Variants in TMEM132C observed in about 807,000 individuals in gnomAD.
TMEM132C encodes the protein protein phosphatase 1, regulatory subunit 152.
TMEM132C carries 29 observed loss-of-function variants against 61.4 expected under a neutral mutation model. The ratio of observed to expected loss-of-function variants is 0.47; its 90% CI spans 0.35 to 0.64. The LOEUF is 0.64. Among genes scored for constraint, TMEM132C ranks in the 30% least tolerant of loss-of-function variants. The pLI is 0.00. For synonymous variants in TMEM132C, 656 were observed against 633.1 expected, an observed-to-expected ratio of 1.04 and a Z score of -0.54; for missense variants, 1,408 against 1,476.9, an observed-to-expected ratio of 0.95 and a Z score of 0.76.
chr12:128,552,434 T>C (rs1252624332), intron 3 of TMEM132C, among the ~76,000 whole-genome samples: 1 of 152,174 alleles, frequency 6.6e-6, no homozygotes, highest in African/African-American at 2.4e-5. Flanking sequence ...TGAGGTATCA[T>C]ACCATTGGGC....
At chr12:128,370,413 T>G (rs1873995280) in intron 1 of TMEM132C, among the ~76,000 whole-genome samples, 1 of 152,120 alleles carries the variant, frequency 6.6e-6, no homozygotes, top group South Asian at 2.1e-4. Context: ...GAAGGATCTA[T>G]TGACTGAGTC....
rs1419450845 is a variant in TMEM132C, at chr12:128,630,822, C to T, written c.1305+14487C>T. On this transcript the variant is annotated intron_variant, in intron 4 of 8. Coordinates refer to ENST00000435159, the MANE Select transcript of TMEM132C (RefSeq NM_001136103.3). The surrounding 1 kb of genome is among the most constrained non-coding windows in gnomAD (Gnocchi z 4.3). ...GGCCGAGGCAGGCAGATCACAAGGT[C>T]AGGAAATCGAGACCATCCTGGCCAA... Among the ~76,000 whole-genome samples the T allele has an allele frequency of 6.6e-6, 1 of 152,202 alleles. No individual in the cohort carries two copies. Among genetic ancestry groups the T allele is most frequent in the Non-Finnish European group, 1.5e-5 (1 of 68,048 alleles).
intron 3 of TMEM132C, among the ~76,000 whole-genome samples, chr12:128,596,744 G>C (rs1403306335): frequency 6.6e-6 from 1 of 152,258 alleles, no homozygotes; most frequent in Admixed American, 6.5e-5. Context: ...TACAGAGGTG[G>C]CAGGGCTTAA....
intron 2 of TMEM132C, among the ~76,000 whole-genome samples, chr12:128,498,704 G>T (rs550080279): frequency 6.6e-6 from 1 of 151,924 alleles, no homozygotes; most frequent in South Asian, 2.1e-4. Context: ...AAAGAAACAA[G>T]CATTGCATTT....
At chr12:128,464,756 C>A (rs1008360568) in intron 2 of TMEM132C, among the ~76,000 whole-genome samples, 13 of 108,456 alleles carry the variant, frequency 1.2e-4, no homozygotes, top group African/African-American at 5.0e-4. Context: ...CAGAGAAAGA[C>A]CCTGTCAGAA....
intron 1 of TMEM132C, among the ~76,000 whole-genome samples, chr12:128,396,128 T>TG (rs1176755040): frequency 6.6e-6 from 1 of 152,148 alleles, no homozygotes; most frequent in South Asian, 2.1e-4. Context: ...TAAAGTTCTG[T>TG]GGGGGAAAAA....
intron 1 of TMEM132C, among the ~76,000 whole-genome samples, chr12:128,388,823 T>A (rs1244743581): frequency 6.6e-6 from 1 of 152,254 alleles, no homozygotes; most frequent in African/African-American, 2.4e-5. Context: ...CTAGTTTTGA[T>A]GCAATAACGG....
chr12:128,631,733 A>G (rs938862958), intron 4 of TMEM132C, among the ~76,000 whole-genome samples: 5 of 152,152 alleles, frequency 3.3e-5, no homozygotes, highest in African/African-American at 1.2e-4. Flanking sequence ...TCTTTGTCTC[A>G]GCTCTGCTTT....
At chr12:128,473,104 G>A (rs374143808) in intron 2 of TMEM132C, among the ~76,000 whole-genome samples, 1 of 4,564 alleles carries the variant, frequency 2.2e-4, no homozygotes, top group Non-Finnish European at 3.8e-4. Context: ...TCCAGACTCT[G>A]TCTTCATCTT....
intron 4 of TMEM132C, among the ~76,000 whole-genome samples, chr12:128,619,139 CTGTT>C (rs1876908768): frequency 6.6e-6 from 1 of 152,184 alleles, no homozygotes; most frequent in Admixed American, 6.5e-5. Context: ...CCTGTGTTGT[CTGTT>C]AGCAGCCAGT....
chr12:128,686,522 C>T (rs753723717), intron 5 of TMEM132C, among the ~76,000 whole-genome samples: 62 of 152,256 alleles, frequency 4.1e-4, no homozygotes, highest in Non-Finnish European at 7.8e-4. Context: ...GAGCCCAGGA[C>T]TTTGAAGTTG....
At chr12:128,325,074 T>C (rs1346607503) in intron 1 of TMEM132C, among the ~76,000 whole-genome samples, 1 of 152,152 alleles carries the variant, frequency 6.6e-6, no homozygotes, top group Admixed American at 6.5e-5. Flanking sequence ...AGGTACTACT[T>C]GAAGGCCTGA....
At chr12:128,681,246 C>T (rs1954632052) in intron 5 of TMEM132C, among the ~76,000 whole-genome samples, 1 of 152,142 alleles carries the variant, frequency 6.6e-6, no homozygotes, top group Non-Finnish European at 1.5e-5. Flanking sequence ...TCCCAAAGTG[C>T]TGGGATTACA....
chr12:128,612,219 G>A (rs1033978543), intron 3 of TMEM132C, among the ~76,000 whole-genome samples: 3 of 152,100 alleles, frequency 2.0e-5, no homozygotes, highest in African/African-American at 7.2e-5. Flanking sequence ...GGTCCAGGTG[G>A]ACACAGAACT....
chr12:128,525,766 G>A (rs1345507645), intron 2 of TMEM132C, among the ~76,000 whole-genome samples: 2 of 152,218 alleles, frequency 1.3e-5, no homozygotes, highest in African/African-American at 4.8e-5. Context: ...GGATGTGTTA[G>A]CCTTCTGGAG....
chr12:128,344,762 A>G (rs118158071), intron 1 of TMEM132C, among the ~76,000 whole-genome samples: 108 of 152,252 alleles, frequency 7.1e-4, no homozygotes, highest in Middle Eastern at 3.4e-3. Context: ...CTATAGGTGC[A>G]TGAAATTATG....
At chr12:128,276,459 A>G (rs186172499) in intron 1 of TMEM132C, among the ~76,000 whole-genome samples, 1 of 152,318 alleles carries the variant, frequency 6.6e-6, no homozygotes, top group East Asian at 1.9e-4. Context: ...ATTCTGAGAC[A>G]TCCCTTGACC....
intron 2 of TMEM132C, among the ~76,000 whole-genome samples, chr12:128,473,662 A>T (rs1421773953): frequency 8.7e-6 from 1 of 115,130 alleles, no homozygotes; most frequent in Non-Finnish European, 1.8e-5. Flanking sequence ...TTTAATTCTC[A>T]CTCCAGCTTC....
At chr12:128,382,874 T>G (rs2135992363) in intron 1 of TMEM132C, among the ~76,000 whole-genome samples, 1 of 152,226 alleles carries the variant, frequency 6.6e-6, no homozygotes, top group South Asian at 2.1e-4. Flanking sequence ...ATGTGTGTGT[T>G]TGTGCTGTGT....
Sources: gnomAD v4.1 joint callset for allele counts (sites outside exome capture counted in the v4.1 genomes callset) on GRCh38, gnomAD v4.1.1 for gene constraint, Gnocchi (gnomAD v3.1) non-coding constraint, MANE v1.5 for transcripts, NCBI Gene and HGNC (gene_info 2026-07-23, HGNC 2026-07-21) for gene names.